The following LY96 variants were observed in gnomAD, a reference collection of about 807,000 sequenced individuals.
LY96 encodes lymphocyte antigen 96.
A neutral mutation model predicts 18.9 loss-of-function variants in LY96; 18 were observed. That is an observed-to-expected ratio of 0.95 (90% CI 0.66 to 1.41). LY96 has a LOEUF of 1.41. Ranked by LOEUF, LY96 falls within the 40% of genes most tolerant of loss-of-function variation. LY96 has a pLI of 0.00. For synonymous variants in LY96, 66 were observed against 62.6 expected, an observed-to-expected ratio of 1.06 and a Z score of -0.26; for missense variants, 175 against 182.4, an observed-to-expected ratio of 0.96 and a Z score of 0.23.
At chr8:74,000,354 A>G (rs1016843523) in intron 1 of LY96, among the ~76,000 whole-genome samples, 2 of 152,026 alleles carry the variant, frequency 1.3e-5, no homozygotes, top group African/African-American at 4.8e-5. Flanking sequence ...GTTCTTTGCA[A>G]CTGTGTAGCA....
the LY96 span, chr8:74,056,418 T>C: frequency 4.2e-6 from 1 of 237,258 alleles, no homozygotes; most frequent in Non-Finnish European, 8.1e-6. Flanking sequence ...AATCAATAAA[T>C]TGATTTTAGA....
At chr8:73,993,422 C>T (rs941497242) in intron 1 of LY96, among the ~76,000 whole-genome samples, 1 of 152,080 alleles carries the variant, frequency 6.6e-6, no homozygotes, top group East Asian at 1.9e-4. Flanking sequence ...ACTACAGGCA[C>T]ATGCCACCAC....
At chr8:74,068,089 A>AATATATATATATAT in the LY96 span, among the ~76,000 whole-genome samples, 196 of 67,802 alleles carry the variant, frequency 2.9e-3, 6 homozygotes, top group Non-Finnish European at 3.2e-3. Context: ...AAAAAAAAAA[A>AATATATATATATAT]ATATATATAT....
chr8:74,064,239 T>C, the LY96 span, among the ~76,000 whole-genome samples: 1 of 152,172 alleles, frequency 6.6e-6, no homozygotes, highest in Non-Finnish European at 1.5e-5. Flanking sequence ...AGTCATTCAA[T>C]GAAAAATTAT....
chr8:74,000,758 CAG>C (rs1480261515), intron 1 of LY96, among the ~76,000 whole-genome samples: 4 of 152,106 alleles, frequency 2.6e-5, no homozygotes, highest in African/African-American at 9.7e-5. Context: ...TTATAATAAA[CAG>C]AAATTTATTT....
At chr8:74,080,984 CTCTTTCTTTCTTTCTTTCTT>C in the LY96 span, among the ~76,000 whole-genome samples, 747 of 105,164 alleles carry the variant, frequency 7.1e-3, 14 homozygotes, top group African/African-American at 0.014. Flanking sequence ...TTCTTTCTCT[CTCTTTCTTTCTTTCTTTCTT>C]TCTTTCTTTC....
chr8:74,040,862 C>G, the LY96 span, among the ~76,000 whole-genome samples: 1 of 151,942 alleles, frequency 6.6e-6, no homozygotes, highest in Admixed American at 6.6e-5. Flanking sequence ...GCCACCACAC[C>G]GGGCTAATTT....
intron 1 of LY96, among the ~76,000 whole-genome samples, chr8:73,999,364 C>T (rs1239376119): frequency 6.6e-6 from 1 of 151,970 alleles, no homozygotes; most frequent in Non-Finnish European, 1.5e-5. Context: ...CTTCTGGGCT[C>T]AAGTGATCTT....
the LY96 span, among the ~76,000 whole-genome samples, chr8:74,096,254 T>A: frequency 1.3e-5 from 2 of 152,152 alleles, no homozygotes; most frequent in East Asian, 3.9e-4. Context: ...CCCATTACTC[T>A]CAAAGTAGAC....
At chr8:74,087,504 TC>T in the LY96 span, among the ~76,000 whole-genome samples, 1 of 152,164 alleles carries the variant, frequency 6.6e-6, no homozygotes, top group Non-Finnish European at 1.5e-5. Context: ...AGCTTTGGAA[TC>T]CCGGGGTCCC....
At chr8:74,086,139 T>G in the LY96 span, among the ~76,000 whole-genome samples, 1 of 152,188 alleles carries the variant, frequency 6.6e-6, no homozygotes, top group African/African-American at 2.4e-5. Flanking sequence ...CTTTCCTGGA[T>G]CTTTCCATGA....
chr8:74,013,694 G>A (rs921552919), intron 3 of LY96, among the ~76,000 whole-genome samples: 16 of 152,196 alleles, frequency 1.1e-4, no homozygotes, highest in Non-Finnish European at 2.1e-4. Context: ...GAACATCAGA[G>A]GGTGAGGGGG....
Position 74,010,006 on chromosome 8 carries a change from G to A in LY96, c.208G>A (p.Asp70Asn). Reference sequence around the variant, plus strand: ...TGGGATTTTTTCTTTTAAAGGGAGAGATTTAAAGCAATTATATTTCAATCT... The same window carrying A: ...TGGGATTTTTTCTTTTAAAGGGAGAAATTTAAAGCAATTATATTTCAATCT... ...LLHIFYIPRR[D>N]LKQLYFNLYI... The change falls in exon 3 of 5, where the codon GAT becomes AAT. Residue 70 changes from aspartate (D) to asparagine (N), a missense_variant. Coordinates refer to ENST00000284818, the MANE Select transcript of LY96 (RefSeq NM_015364.5). The A allele has an allele frequency of 6.9e-6, 11 of 1,599,398 alleles. No homozygotes were observed. Among genetic ancestry groups the A allele is most frequent in the Non-Finnish European group, 9.4e-6 (11 of 1,166,910 alleles).
At chr8:74,005,614 TA>T (rs1303401357) in intron 2 of LY96, among the ~76,000 whole-genome samples, 2 of 152,200 alleles carry the variant, frequency 1.3e-5, no homozygotes, top group African/African-American at 4.8e-5. Context: ...AAAAATACAG[TA>T]ATAATGGGAT....
the LY96 span, among the ~76,000 whole-genome samples, chr8:74,054,520 TTTCCTTCCTTCCTTCCTTCCTTCC>T: frequency 3.4e-5 from 4 of 118,308 alleles, no homozygotes; most frequent in East Asian, 5.5e-4. Context: ...TTTTCTTTCT[TTTCCTTCCTTCCTTCCTTCCTTCC>T]TTCCTTCCTT....
intron 2 of LY96, among the ~76,000 whole-genome samples, chr8:74,007,794 C>G (rs1489917754): frequency 6.6e-6 from 1 of 152,170 alleles, no homozygotes; most frequent in East Asian, 1.9e-4. Flanking sequence ...GAGTCTCACT[C>G]TGTCACCCAG....
the LY96 span, among the ~76,000 whole-genome samples, chr8:74,080,155 C>A: frequency 1.3e-5 from 2 of 152,140 alleles, no homozygotes; most frequent in African/African-American, 2.4e-5. Flanking sequence ...GAAAACAAGA[C>A]CCCTGGAAGG....
the LY96 span, among the ~76,000 whole-genome samples, chr8:74,096,238 A>T: frequency 6.6e-6 from 1 of 152,070 alleles, no homozygotes; most frequent in African/African-American, 2.4e-5. Flanking sequence ...TCCAAGGTTG[A>T]TTCTCCCCAT....
chr8:73,999,839 A>G (rs1816227212), intron 1 of LY96, among the ~76,000 whole-genome samples: 1 of 152,172 alleles, frequency 6.6e-6, no homozygotes, highest in African/African-American at 2.4e-5. Flanking sequence ...ATTTTTAATG[A>G]AGTCTTTAGG....
Sources: allele counts gnomAD v4.1 joint callset (sites outside exome capture counted in the v4.1 genomes callset), GRCh38; gene constraint gnomAD v4.1.1; transcripts MANE v1.5; gene names NCBI Gene and HGNC (gene_info 2026-07-23, HGNC 2026-07-21).